TRHDE: variants seen among roughly 807,000 people sequenced by gnomAD.
The protein encoded by TRHDE is thyrotropin-releasing hormone-degrading ectoenzyme.
Under a neutral mutation model 125.7 loss-of-function variants are expected in TRHDE, and 72 were observed. The ratio of observed to expected loss-of-function variants is 0.57; its 90% CI spans 0.47 to 0.70. TRHDE has a LOEUF of 0.70. Among genes scored for constraint, TRHDE ranks in the 30% least tolerant of loss-of-function variants. TRHDE has a pLI of 0.00. For synonymous variants in TRHDE, 509 were observed against 509.1 expected (o/e 1.00, Z 0.00); for missense variants, 1,110 against 1,327.1 (o/e 0.84, Z 2.54).
chr12:72,618,037 A>G lies in TRHDE; in HGVS notation c.2322-854A>G, dbSNP rs542481244. Among the ~76,000 whole-genome samples the G allele has an allele frequency of 5.3e-5, 8 of 152,260 alleles. No individual in the cohort carries two copies. The South Asian group carries it at 1.2e-3, about 24-fold the overall frequency. The stretch of plus-strand genomic sequence containing the variant: ...TAGTGTCACTATATGCCGCAAAGAC[A>G]TCAAGGCTAAGACCATCTTTTAATG... On this transcript the variant is annotated intron_variant, in intron 12 of 18. Coordinates refer to ENST00000261180, the MANE Select transcript of TRHDE (RefSeq NM_013381.3).
At chr12:72,419,746 T>C (rs1478397851) in intron 3 of TRHDE, among the ~76,000 whole-genome samples, 1 of 152,124 alleles carries the variant, frequency 6.6e-6, no homozygotes, top group Non-Finnish European at 1.5e-5. Flanking sequence ...AAAAATACAC[T>C]TACCTCCTAT....
At chr12:72,264,384 C>G (rs1879019041) in intron 2 of TRHDE, 1 of 151,920 alleles carries the variant, frequency 6.6e-6, no homozygotes, top group South Asian at 2.1e-4. Flanking sequence ...TTTCAAATCA[C>G]CTAGAATCAA....
At chr12:72,251,444 A>G (rs1878682083) in intron 2 of TRHDE, among the ~76,000 whole-genome samples, 1 of 145,602 alleles carries the variant, frequency 6.9e-6, no homozygotes, top group South Asian at 2.2e-4. Flanking sequence ...TTTTTCACTC[A>G]GCACAATTAC....
chr12:72,636,110 T>C (rs1421769107), intron 15 of TRHDE, among the ~76,000 whole-genome samples: 4 of 152,192 alleles, frequency 2.6e-5, no homozygotes, highest in South Asian at 2.1e-4. Flanking sequence ...GCCATTTTCA[T>C]GATATTGATT....
At chr12:72,562,741 A>G (rs1209668335) in intron 8 of TRHDE, 112 bp from the exon 9 acceptor site, 1 of 683,234 alleles carries the variant, frequency 1.5e-6, no homozygotes, top group Non-Finnish European at 2.3e-6. Flanking sequence ...CAATGACTTT[A>G]AATGTTTTCA....
At chr12:72,410,870 T>TAA (rs796586000) in intron 3 of TRHDE, among the ~76,000 whole-genome samples, 1 of 125,594 alleles carries the variant, frequency 8.0e-6, no homozygotes. Flanking sequence ...GATAAGCAGA[T>TAA]AAAAAAAAAA....
chr12:72,105,206 G>GCA (rs1875157640), intron 1 of TRHDE, among the ~76,000 whole-genome samples: 1 of 152,112 alleles, frequency 6.6e-6, no homozygotes, highest in African/African-American at 2.4e-5. Context: ...TAAAATTCTG[G>GCA]GTGAACAGTC....
chr12:72,467,769 C>T (rs547533296), intron 3 of TRHDE, among the ~76,000 whole-genome samples: 6 of 152,222 alleles, frequency 3.9e-5, no homozygotes, highest in South Asian at 2.1e-4. Flanking sequence ...GAGCCGAGAT[C>T]GCACCACTGC....
chr12:72,533,744 T>C (rs1181911167), intron 6 of TRHDE, among the ~76,000 whole-genome samples: 1 of 151,140 alleles, frequency 6.6e-6, no homozygotes, highest in Non-Finnish European at 1.5e-5. Context: ...TTTTTGCTTT[T>C]ATGTTTTATC....
At chr12:72,467,987 C>T (rs1030021949) in intron 3 of TRHDE, among the ~76,000 whole-genome samples, 19 of 152,102 alleles carry the variant, frequency 1.2e-4, no homozygotes, top group African/African-American at 4.6e-4. Context: ...ATAATCAGTA[C>T]CCATACCACT....
chr12:72,599,254 T>A (rs181365353), intron 12 of TRHDE, among the ~76,000 whole-genome samples: 1 of 152,252 alleles, frequency 6.6e-6, no homozygotes, highest in East Asian at 1.9e-4. Flanking sequence ...AGTAATGAGA[T>A]TGCTGGGTCA....
intron 2 of TRHDE, among the ~76,000 whole-genome samples, chr12:72,341,362 T>C: frequency 6.6e-6 from 1 of 151,370 alleles, no homozygotes; most frequent in Non-Finnish European, 1.5e-5. Flanking sequence ...TGAGAACATG[T>C]GGTGGTTGGT....
chr12:72,197,685 A>G (rs1274025213), intron 2 of TRHDE, among the ~76,000 whole-genome samples: 1 of 152,034 alleles, frequency 6.6e-6, no homozygotes, highest in African/African-American at 2.4e-5. Flanking sequence ...CCTAGAAGAC[A>G]CCAAACTTTC....
chr12:72,374,214 T>C (rs1401519524), intron 2 of TRHDE, among the ~76,000 whole-genome samples: 2 of 151,558 alleles, frequency 1.3e-5, no homozygotes, highest in Non-Finnish European at 2.9e-5. Flanking sequence ...ATGATGAACA[T>C]ACAGGGGTTG....
rs536883539 is a variant in TRHDE, at chr12:72,120,823, C to T, written n.279+15071C>T. Reference sequence around the variant, plus strand: ...CCTCCTGAGTAGCTGGGACTACAGGCGTGTGCCACCACGCCCGGCTAATTT... The same window carrying T: ...CCTCCTGAGTAGCTGGGACTACAGGTGTGTGCCACCACGCCCGGCTAATTT... On this transcript the variant is annotated intron_variant and non_coding_transcript_variant, in intron 2 of 4. Transcript: ENST00000548156. 8.6e-5 allele frequency among the ~76,000 whole-genome samples: 13 copies of T among 151,662 alleles called. No homozygotes were observed. The East Asian group carries it at 1.8e-3, about 20-fold the overall frequency.
At chr12:72,466,724 A>G (rs576065819) in intron 3 of TRHDE, among the ~76,000 whole-genome samples, 3 of 152,134 alleles carry the variant, frequency 2.0e-5, no homozygotes, top group African/African-American at 7.2e-5. Flanking sequence ...CTTAGAATGC[A>G]CTTCTGATTT....
intron 2 of TRHDE, among the ~76,000 whole-genome samples, chr12:72,123,791 T>C (rs1468595556): frequency 6.6e-6 from 1 of 152,126 alleles, no homozygotes; most frequent in East Asian, 1.9e-4. Context: ...ATATTGAACA[T>C]TTCCATTATC....
chr12:72,334,874 A>G lies in TRHDE; in HGVS notation c.1189-43121A>G, dbSNP rs960364620. ...CCTTCATCCCCGGGTCACGCCAGGC[A>G]GGAATGAAAAGAGTCAGGCAGGGGG... On this transcript the variant is annotated intron_variant, in intron 2 of 18. Transcript: ENST00000261180. Among the ~76,000 whole-genome samples the G allele has an allele frequency of 6.6e-5, 10 of 152,328 alleles. No homozygotes were observed. In the East Asian group the frequency reaches 1.5e-3, roughly 24 times the overall value.
At chr12:72,660,966 A>C (rs773952417) in intron 18 of TRHDE, among the ~76,000 whole-genome samples, 2 of 152,176 alleles carry the variant, frequency 1.3e-5, no homozygotes, top group African/African-American at 2.4e-5. Flanking sequence ...CACATGTTGG[A>C]TATCAGAGCT....
Sources: allele counts gnomAD v4.1 joint callset (sites outside exome capture counted in the v4.1 genomes callset), GRCh38; gene constraint gnomAD v4.1.1; transcripts MANE v1.5; gene names NCBI Gene and HGNC (gene_info 2026-07-23, HGNC 2026-07-21).